The following PKN3 variants were observed in gnomAD, a reference collection of about 807,000 sequenced individuals.
PKN3 encodes serine/threonine-protein kinase N3.
A neutral mutation model predicts 113.1 loss-of-function variants in PKN3; 91 were observed. That is an observed-to-expected ratio of 0.80 (90% CI 0.68 to 0.96). The LOEUF is 0.96. Among genes scored for constraint, PKN3 ranks in the 40% least tolerant of loss-of-function variants. The pLI is 0.00. For missense variants in PKN3, 1,052 were observed against 1,202.2 expected (o/e 0.88, Z 1.85); for synonymous variants, 467 against 499.0 (o/e 0.94, Z 0.85).
At chr9:128,708,979 C>T (rs1862100178) in intron 6 of PKN3, among the ~76,000 whole-genome samples, 1 of 151,550 alleles carries the variant, frequency 6.6e-6, no homozygotes, top group Non-Finnish European at 1.5e-5. Context: ...TGACAAAGCT[C>T]CATCTCTACA....
rs182448845 is a variant in PKN3 at position 128,716,429 on chromosome 9, G to A, written c.1809-318G>A. On this transcript the variant is annotated intron_variant, in intron 15 of 21. Coordinates refer to ENST00000291906, the MANE Select transcript of PKN3 (RefSeq NM_013355.5). ...CCTGGGCAACACAGCGAAACCCTGC[G>A]TCTACTAAAAATACAAAAATTAGCT... 8.9e-4 allele frequency among the ~76,000 whole-genome samples: 131 copies of A among 147,944 alleles called. 1 individual carries two copies. Among genetic ancestry groups the A allele is most frequent in the African/African-American group, 2.8e-3 (113 of 40,054 alleles).
intron 17 of PKN3, 67 bp from the exon 18 acceptor site, chr9:128,718,482 A>G (rs1862411939): frequency 6.3e-7 from 1 of 1,591,318 alleles, no homozygotes; most frequent in African/African-American, 1.3e-5. Flanking sequence ...GGGCTGCTCC[A>G]GGGGCCGTTA....
At chr9:128,711,786 A>G (rs1217746794) in intron 6 of PKN3, among the ~76,000 whole-genome samples, 2 of 148,102 alleles carry the variant, frequency 1.4e-5, no homozygotes, top group Non-Finnish European at 3.0e-5. Flanking sequence ...TTTAGTAGAG[A>G]CAGAGTTTCA....
Position 128,705,751 on chromosome 9 carries a change from C to A in PKN3, c.283C>A (p.Pro95Thr). Residue 95 changes from proline (P) to threonine (T), a missense_variant, in exon 3 of 22, where the codon CCC becomes ACC. By Grantham distance (38) the Pro-to-Thr change is conservative (BLOSUM62 -1). This residue lies in a region of PKN3 where 719 missense variants were observed against 759.4 expected (regional missense o/e 0.95). Coordinates refer to ENST00000291906, the MANE Select transcript of PKN3 (RefSeq NM_013355.5). Reference protein sequence around the residue: ...PGPAEPVASGPRPWAEQLRAR... With the variant: ...PGPAEPVASGTRPWAEQLRAR... ...GTGCACAGAGCCTGTGGCCTCAGGA[C>A]CCCGGCCGTGGGCAGAGCAGCTCAG... 1.9e-6 allele frequency: 3 copies of A among 1,606,560 alleles called. No individual in the cohort carries two copies. The highest frequency in any genetic ancestry group is 2.7e-5 in the African/African-American group (2 of 74,890).
intron 6 of PKN3, among the ~76,000 whole-genome samples, chr9:128,708,461 T>C (rs1052346601): frequency 2.6e-5 from 4 of 151,974 alleles, no homozygotes; most frequent in Non-Finnish European, 5.9e-5. Context: ...CTCACACCTA[T>C]AATCCTGGCA....
chr9:128,714,750 A>G, intron 12 of PKN3, 48 bp from the exon 13 acceptor site: 1 of 1,573,016 alleles, frequency 6.4e-7, no homozygotes, highest in Non-Finnish European at 8.7e-7. Flanking sequence ...CCTGAAGGGA[A>G]AGAGAGAAGG....
chr9:128,705,597 C>G (rs1861990160), intron 2 of PKN3, 54 bp downstream of exon 2: 4 of 1,545,912 alleles, frequency 2.6e-6, no homozygotes, highest in Non-Finnish European at 3.5e-6. Flanking sequence ...CCCATCTGGC[C>G]CCTGGCCTTG....
chr9:128,717,825 C>G (rs1056781758), intron 16 of PKN3, among the ~76,000 whole-genome samples: 2 of 148,464 alleles, frequency 1.3e-5, no homozygotes, highest in Non-Finnish European at 3.0e-5. Flanking sequence ...CAAGACCATC[C>G]TGGCCAACAT....
At position 128,707,362 on chromosome 9, in the gene PKN3, C is replaced by G. The variant is rs886364298; in HGVS notation, c.792C>G (p.Tyr264Ter). The G allele has an allele frequency of 1.2e-6, 2 of 1,612,820 alleles. No individual in the cohort carries two copies. The highest frequency in any genetic ancestry group is 2.7e-5 in the African/African-American group (2 of 74,924). The change falls in exon 6 of 22, where the codon TAC (tyrosine) becomes TAG (stop). Residue 264 changes from tyrosine to a stop codon, truncating the protein, a stop_gained. Transcript: ENST00000291906. LOFTEE classifies it high-confidence loss of function. ...TRELRAAVPG[Y>*]PQPSGTPVKP... ...AGTTGCGGGCTGCGGTGCCTGGATA[C>G]CCCCAGCCTTCAGGGACACCTGTGA...
chr9:128,709,616 G>A (rs1180197027), intron 6 of PKN3, among the ~76,000 whole-genome samples: 1 of 151,766 alleles, frequency 6.6e-6, no homozygotes, highest in Non-Finnish European at 1.5e-5. Flanking sequence ...GCCGGGCCTG[G>A]TGGTGCATGC....
Position 128,715,754 on chromosome 9 carries a change from A to G in PKN3, c.1808+294A>G, listed in dbSNP as rs914061544. The stretch of plus-strand genomic sequence containing the variant: ...TATGGCCAGGCGTGGTAACTCATGC[A>G]TGTAACCCCAGCACTTTGGGAGGCC... On this transcript the variant is annotated intron_variant, in intron 15 of 21. Coordinates refer to ENST00000291906, the MANE Select transcript of PKN3 (RefSeq NM_013355.5). This position sits in a 1 kb window ranked among gnomAD's most constrained non-coding sequence, Gnocchi z 4.1. 1.3e-5 allele frequency among the ~76,000 whole-genome samples: 2 copies of G among 152,122 alleles called. No individual in the cohort carries two copies. The highest frequency in any genetic ancestry group is 2.4e-5 in the African/African-American group (1 of 41,422).
rs377599116 is a variant in PKN3 at position 128,714,282 on chromosome 9, C to T, written c.1398C>T (p.Ser466=). The part of the protein sequence containing the change: ...RLVMNLLPPC[S]SPSTISPPKG... ...TCATGAACCTGCTGCCCCCCTGCAG[C>T]TCCCCGAGCACAATCAGCCCCCCTA... Residue 466 remains serine (S), a synonymous_variant, in exon 11 of 22, where the codon AGC becomes AGT. Transcript: ENST00000291906. 3.7e-6 allele frequency: 6 copies of T among 1,613,578 alleles called. No homozygotes were observed. In the African/African-American group the frequency reaches 8.0e-5, roughly 22 times the overall value.
chr9:128,718,174 A>C, intron 16 of PKN3, 151 bp from the exon 17 acceptor site: 1 of 704,874 alleles, frequency 1.4e-6, no homozygotes, highest in Non-Finnish European at 2.6e-6. Context: ...GAGCACCCCC[A>C]CCCTCAGCAT....
chr9:128,716,017 G>C lies in PKN3; in HGVS notation c.1808+557G>C, dbSNP rs185761263. Among the ~76,000 whole-genome samples the C allele has an allele frequency of 3.1e-3, 462 of 150,378 alleles. 9 individuals carry two copies. In the East Asian group the frequency reaches 0.034, roughly 11 times the overall value. On this transcript the variant is annotated intron_variant, in intron 15 of 21. Transcript: ENST00000291906. The stretch of plus-strand genomic sequence containing the variant: ...AAAAACTAATTAAAAAAAAAAAAAG[G>C]AGGGGGAGGCTGGGCACAGTGGCTC...
chr9:128,719,268 C>A (rs2132336409), intron 18 of PKN3, among the ~76,000 whole-genome samples: 1 of 151,992 alleles, frequency 6.6e-6, no homozygotes, highest in African/African-American at 2.4e-5. Flanking sequence ...CGGCTCACTG[C>A]AACCTCTGCC....
rs1359567664 is a variant in PKN3, at chr9:128,718,307, C to T, written c.1986-18C>T. ...GTGTGTGTCTTGGGCCTGAGTTCTC[C>T]CATAACCACCCCTGCAGCTTCTACG... On this transcript the variant is annotated intron_variant, in intron 16 of 21. Coordinates refer to ENST00000291906, the MANE Select transcript of PKN3 (RefSeq NM_013355.5). 23 of 1,612,522 alleles carry T rather than the reference C, an allele frequency of 1.4e-5. No individual in the cohort carries two copies. The highest frequency in any genetic ancestry group is 2.0e-5 in the Non-Finnish European group (23 of 1,178,660).
At chr9:128,703,958 G>T in intron 1 of PKN3, 1 of 985,466 alleles carries the variant, frequency 1.0e-6, no homozygotes, top group Non-Finnish European at 1.2e-6. Flanking sequence ...TGTTTGCTCC[G>T]GTCTTTGGCT....
At chr9:128,705,622 G>A in intron 2 of PKN3, 79 bp downstream of exon 2, 2 of 1,541,938 alleles carry the variant, frequency 1.3e-6, no homozygotes, top group Non-Finnish European at 1.7e-6. Context: ...TGGCCACTGT[G>A]GCGAGACCAC....
intron 6 of PKN3, among the ~76,000 whole-genome samples, chr9:128,709,435 G>A (rs1862116401): frequency 6.6e-6 from 1 of 151,410 alleles, no homozygotes; most frequent in South Asian, 2.1e-4. Context: ...CTCCAGCCTG[G>A]GCAACAGAGA....
Sources: gnomAD v4.1 joint callset for allele counts (sites outside exome capture counted in the v4.1 genomes callset) on GRCh38, gnomAD v4.1.1 for gene constraint, gnomAD v4.1.1 regional missense constraint, Gnocchi (gnomAD v3.1) non-coding constraint, MANE v1.5 for transcripts, NCBI Gene and HGNC (gene_info 2026-07-23, HGNC 2026-07-21) for gene names.